NKAIN2: variants seen among roughly 807,000 people sequenced by gnomAD.
NKAIN2 encodes the protein sodium/potassium transporting ATPase interacting 2.
A neutral mutation model predicts 32.6 loss-of-function variants in NKAIN2; 14 were observed. That is an observed-to-expected ratio of 0.43 (90% CI 0.28 to 0.67). NKAIN2 has a LOEUF of 0.67. Among genes scored for constraint, NKAIN2 ranks in the 30% least tolerant of loss-of-function variants. The pLI is 0.17. For synonymous variants in NKAIN2, 80 were observed against 87.2 expected, an observed-to-expected ratio of 0.92 and a Z score of 0.46; for missense variants, 198 against 258.3, an observed-to-expected ratio of 0.77 and a Z score of 1.60.
chr6:124,452,683 A>G (rs1013338791), intron 3 of NKAIN2, among the ~76,000 whole-genome samples: 1 of 152,132 alleles, frequency 6.6e-6, no homozygotes, highest in African/African-American at 2.4e-5. Context: ...AAGAAAACTT[A>G]ACCTTTAGAT....
At chr6:124,073,821 C>A (rs934866190) in intron 1 of NKAIN2, among the ~76,000 whole-genome samples, 2 of 152,068 alleles carry the variant, frequency 1.3e-5, no homozygotes, top group African/African-American at 4.8e-5. Flanking sequence ...CCCCACCGGG[C>A]AGGGGAGGAT....
chr6:124,365,479 A>C (rs1377862612), intron 3 of NKAIN2, among the ~76,000 whole-genome samples: 2 of 151,952 alleles, frequency 1.3e-5, no homozygotes, highest in African/African-American at 4.8e-5. Flanking sequence ...GTAAATCCAC[A>C]TGAAGATATT....
At chr6:124,559,125 T>C (rs1780588842) in intron 3 of NKAIN2, among the ~76,000 whole-genome samples, 1 of 152,202 alleles carries the variant, frequency 6.6e-6, no homozygotes, top group Admixed American at 6.5e-5. Context: ...TTTTCTGCCT[T>C]AATAAATATT....
intron 4 of NKAIN2, among the ~76,000 whole-genome samples, chr6:124,678,497 C>CTGT (rs1773466356): frequency 6.6e-6 from 1 of 152,000 alleles, no homozygotes; most frequent in Non-Finnish European, 1.5e-5. Flanking sequence ...ATCAAGTCTG[C>CTGT]TGTTGTAGCT....
At chr6:123,909,111 C>A (rs2114445991) in intron 1 of NKAIN2, among the ~76,000 whole-genome samples, 1 of 152,104 alleles carries the variant, frequency 6.6e-6, no homozygotes. Context: ...TAAGTAAAAT[C>A]TCACTACCCT....
chr6:124,556,688 G>C (rs926799725), intron 3 of NKAIN2, among the ~76,000 whole-genome samples: 1 of 151,884 alleles, frequency 6.6e-6, no homozygotes, highest in Non-Finnish European at 1.5e-5. Context: ...AAGACAGTAG[G>C]GTATAATTAA....
chr6:124,539,463 A>G (rs1275803379), intron 3 of NKAIN2, among the ~76,000 whole-genome samples: 2 of 152,110 alleles, frequency 1.3e-5, no homozygotes, highest in Non-Finnish European at 2.9e-5. Context: ...TTGCATGTAT[A>G]CAAGTTAATC....
intron 3 of NKAIN2, among the ~76,000 whole-genome samples, chr6:124,609,021 T>C (rs1782596213): frequency 6.6e-6 from 1 of 152,216 alleles, no homozygotes; most frequent in African/African-American, 2.4e-5. Context: ...GGTGAGACTC[T>C]GTGGGAGTAT....
At chr6:124,186,476 C>A (rs996067158) in intron 1 of NKAIN2, among the ~76,000 whole-genome samples, 7 of 151,898 alleles carry the variant, frequency 4.6e-5, no homozygotes, top group African/African-American at 1.7e-4. Context: ...CCACAGTGAA[C>A]CTTGAGAGAA....
chr6:124,520,959 T>C lies in NKAIN2; in HGVS notation c.274-137227T>C, dbSNP rs1779095834. Among the ~76,000 whole-genome samples the C allele has an allele frequency of 3.9e-5, 6 of 152,222 alleles. No individual in the cohort carries two copies. The South Asian group carries it at 1.2e-3, about 31-fold the overall frequency. On this transcript the variant is annotated intron_variant, in intron 3 of 6. Transcript: ENST00000368417. ...TGCTAGTATATAGAAAAGCAATAGA[T>C]ATTTTTATATTGAACTTGTAATCTG...
In NKAIN2 at chr6:123,931,626, AT is replaced by A. The variant is rs201361587; in HGVS notation, c.54+127380del. On this transcript the variant is annotated intron_variant, in intron 1 of 6. Transcript: ENST00000368417. ...ACTATACATTTCTTCATGCTTCATC[AT>A]TTTTTTTCTTTCATCCTTTCTTCCA... 5.5e-3 allele frequency among the ~76,000 whole-genome samples: 832 copies of A among 151,852 alleles called. 10 individuals carry two copies. The highest frequency in any genetic ancestry group is 0.016 in the African/African-American group (666 of 41,398).
intron 3 of NKAIN2, among the ~76,000 whole-genome samples, chr6:124,365,346 C>T (rs1799475642): frequency 6.6e-6 from 1 of 151,460 alleles, no homozygotes; most frequent in African/African-American, 2.4e-5. Context: ...AAAATCTGTT[C>T]CTATAAAAAC....
At chr6:124,465,690 G>A (rs1052261398) in intron 3 of NKAIN2, among the ~76,000 whole-genome samples, 1 of 150,276 alleles carries the variant, frequency 6.7e-6, no homozygotes, top group African/African-American at 2.4e-5. Flanking sequence ...GTCTATGTAA[G>A]ATTGTGCTAT....
chr6:124,185,628 G>T (rs1789678539), intron 1 of NKAIN2, among the ~76,000 whole-genome samples: 1 of 152,078 alleles, frequency 6.6e-6, no homozygotes, highest in Non-Finnish European at 1.5e-5. Flanking sequence ...GAAAGTAGAA[G>T]TCCTCTCCCT....
At chr6:124,676,083 G>A (rs979276807) in intron 4 of NKAIN2, among the ~76,000 whole-genome samples, 8 of 151,764 alleles carry the variant, frequency 5.3e-5, no homozygotes, top group Non-Finnish European at 1.0e-4. Flanking sequence ...CCTTTGTCCC[G>A]TTGGTTGTTC....
intron 1 of NKAIN2, among the ~76,000 whole-genome samples, chr6:124,008,399 C>T (rs1780172899): frequency 6.6e-6 from 1 of 152,080 alleles, no homozygotes; most frequent in Non-Finnish European, 1.5e-5. Context: ...AAAAACAGAA[C>T]TGTATATTAT....
At chr6:124,714,994 CAG>C (rs959512481) in intron 4 of NKAIN2, among the ~76,000 whole-genome samples, 27 of 152,148 alleles carry the variant, frequency 1.8e-4, no homozygotes, top group African/African-American at 6.0e-4. Context: ...GAGAATGATT[CAG>C]AGAGTGCTGA....
chr6:124,475,841 T>C (rs891857994), intron 3 of NKAIN2, among the ~76,000 whole-genome samples: 2 of 152,178 alleles, frequency 1.3e-5, no homozygotes, highest in African/African-American at 4.8e-5. Context: ...AGAGAACTGA[T>C]GAAGTACTTG....
At chr6:124,813,544 G>A (rs1013537755) in intron 5 of NKAIN2, among the ~76,000 whole-genome samples, 8 of 152,170 alleles carry the variant, frequency 5.3e-5, no homozygotes, top group African/African-American at 1.9e-4. Flanking sequence ...TACTAGAATG[G>A]CATCAGTCAA....
Sources: gnomAD v4.1 joint callset for allele counts (sites outside exome capture counted in the v4.1 genomes callset) on GRCh38, gnomAD v4.1.1 for gene constraint, MANE v1.5 for transcripts, NCBI Gene and HGNC (gene_info 2026-07-23, HGNC 2026-07-21) for gene names.